The following NID2 variants were observed in gnomAD, a reference collection of about 807,000 sequenced individuals.
The protein encoded by NID2 is nidogen 2.
In NID2, 83 loss-of-function variants were observed where a neutral mutation model predicts 145.4. The ratio of observed to expected loss-of-function variants is 0.57; its 90% CI spans 0.48 to 0.69. The LOEUF (loss-of-function observed/expected upper bound fraction) is 0.69, where lower values mean the gene tolerates loss of function less well. Ranked by LOEUF, NID2 falls within the 30% of genes least tolerant of loss-of-function variation. NID2 has a pLI of 0.00. For missense variants in NID2, 1,807 were observed against 1,765.7 expected, an observed-to-expected ratio of 1.02 and a Z score of -0.42; for synonymous variants, 739 against 701.3, an observed-to-expected ratio of 1.05 and a Z score of -0.85.
chr14:52,005,432 T>C lies in NID2; in HGVS notation c.*54A>G. ...TTCTTTGCCTTTGCAGTCACTGTTCTTTAGGGTCCAGGTTCTGATTGTAAA... is the reference window on the plus strand; with the variant it reads ...TTCTTTGCCTTTGCAGTCACTGTTCCTTAGGGTCCAGGTTCTGATTGTAAA... On this transcript the variant is annotated 3_prime_UTR_variant, in exon 22 of 22. Coordinates refer to ENST00000216286, the MANE Select transcript of NID2 (RefSeq NM_007361.4). The C allele has an allele frequency of 2.0e-6, 3 of 1,513,318 alleles. No individual in the cohort carries two copies. Among genetic ancestry groups the C allele is most frequent in the Non-Finnish European group, 1.8e-6 (2 of 1,129,878 alleles). The allele number at this position is 1,513,318 out of a possible 1,614,324, so 93.7% of individuals were successfully genotyped here.
Position 52,038,786 on chromosome 14 carries a change from G to C in NID2, c.2218C>G (p.Leu740Val), listed in dbSNP as rs141286098. ...FALYNDEERVLRFAVTNQIGP... is the reference protein window; with the variant it reads ...FALYNDEERVVRFAVTNQIGP... Reference sequence around the variant, plus strand: ...ATTTGATTGGTCACAGCAAATCTAAGCACTCTTTCTTCGTCATTATACAAG... The same window carrying C: ...ATTTGATTGGTCACAGCAAATCTAACCACTCTTTCTTCGTCATTATACAAG... The change falls in exon 9 of 22, where the codon CTT (leucine) becomes GTT (valine). Residue 740 changes from leucine (L) to valine (V), a missense_variant. Physicochemically the swap from Leu to Val is conservative, Grantham distance 32. Transcript: ENST00000216286. 1.2e-6 allele frequency: 2 copies of C among 1,606,520 alleles called. No individual in the cohort carries two copies. The highest frequency in any genetic ancestry group is 4.5e-5 in the East Asian group (2 of 44,694).
intron 9 of NID2, among the ~76,000 whole-genome samples, chr14:52,030,501 G>GAAAGAAAGAAAGAGAA (rs1555363694): frequency 8.6e-5 from 3 of 34,884 alleles, no homozygotes; most frequent in Non-Finnish European, 7.7e-5. Flanking sequence ...AAGAAAGAAA[G>GAAAGAAAGAAAGAGAA]AGAAAGAAAG....
chr14:52,047,314 GAGA>G (rs1359608798), intron 5 of NID2, among the ~76,000 whole-genome samples: 1 of 152,098 alleles, frequency 6.6e-6, no homozygotes, highest in East Asian at 1.9e-4. Context: ...AAGACCTCAG[GAGA>G]AGGTGACTGA....
chr14:52,046,761 T>A (rs1892511296), intron 5 of NID2, among the ~76,000 whole-genome samples: 1 of 152,226 alleles, frequency 6.6e-6, no homozygotes, highest in African/African-American at 2.4e-5. Flanking sequence ...CTAGTTACTG[T>A]TAAGCTAACC....
At position 52,036,815 on chromosome 14, in the gene NID2, T is replaced by C. The variant is rs1452303035; in HGVS notation, c.2257+1932A>G. Among the ~76,000 whole-genome samples the C allele has an allele frequency of 3.9e-5, 6 of 151,974 alleles. No homozygotes were observed. The East Asian group carries it at 1.2e-3, about 29-fold the overall frequency. On this transcript the variant is annotated intron_variant, in intron 9 of 21. Transcript: ENST00000216286. ...ATCTGTATATCTTTTTGGAGAGAGGTCCTTGCAGAGCTTTTGCCCATCTTT... is the reference window on the plus strand; with the variant it reads ...ATCTGTATATCTTTTTGGAGAGAGGCCCTTGCAGAGCTTTTGCCCATCTTT...
intron 2 of NID2, among the ~76,000 whole-genome samples, chr14:52,062,930 C>A (rs1411049757): frequency 6.6e-6 from 1 of 152,184 alleles, no homozygotes; most frequent in African/African-American, 2.4e-5. Context: ...TATTTAATTT[C>A]TTTGTCTCCA....
chr14:52,012,670 T>G (rs1430233863), intron 16 of NID2, among the ~76,000 whole-genome samples: 2 of 150,106 alleles, frequency 1.3e-5, no homozygotes, highest in South Asian at 4.2e-4. Context: ...CTCTGGCTAG[T>G]GAGGTCTCTC....
chr14:52,005,545 T>A (rs770707702), intron 21 of NID2, 49 bp from the exon 22 acceptor site: 10 of 1,580,198 alleles, frequency 6.3e-6, no homozygotes, highest in Non-Finnish European at 7.7e-6. Flanking sequence ...GAGTATATTG[T>A]AACCAAGTTG....
intron 14 of NID2, among the ~76,000 whole-genome samples, chr14:52,017,766 T>C (rs1418864467): frequency 1.3e-5 from 2 of 152,170 alleles, no homozygotes; most frequent in Non-Finnish European, 2.9e-5. Context: ...AGAGCGACTA[T>C]GGATCAAACC....
At position 52,054,654 on chromosome 14, in the gene NID2, G is replaced by A. The variant is rs536185670; in HGVS notation, c.768-333C>T. ...GCCCAGCAGTTCCAGGTTACAGTGG[G>A]CTTTGGTTGCAACCACTGCACCCCA... On this transcript the variant is annotated intron_variant, in intron 3 of 21. Transcript: ENST00000216286. Among the ~76,000 whole-genome samples the A allele has an allele frequency of 3.3e-5, 5 of 152,286 alleles. No homozygotes were observed. In the East Asian group the frequency reaches 5.8e-4, roughly 18 times the overall value.
At chr14:52,015,011 C>T (rs963961937) in intron 15 of NID2, 43 bp downstream of exon 15, 2 of 1,523,872 alleles carry the variant, frequency 1.3e-6, no homozygotes, top group Admixed American at 1.9e-5. Context: ...CTAGCAAAGG[C>T]CTTAGATACA....
chr14:52,065,967 G>A (rs1203599270), intron 2 of NID2, among the ~76,000 whole-genome samples: 7 of 149,756 alleles, frequency 4.7e-5, no homozygotes, highest in East Asian at 2.0e-4. Flanking sequence ...ATAAACATAC[G>A]TGTGCATGTG....
chr14:52,053,774 G>C lies in NID2; in HGVS notation c.1234C>G (p.Pro412Ala). 1.2e-6 allele frequency: 2 copies of C among 1,614,206 alleles called. No homozygotes were observed. The highest frequency in any genetic ancestry group is 1.6e-4 in the Middle Eastern group (1 of 6,062). ...ATGCTTCCGTTTTCGGGGTACGGTG[G>C]TGGGGTTTCCCAGGAAGGAGCCAGT... is the stretch of plus-strand genomic sequence containing the variant. ...DSLAPSWETP[P>A]PYPENGSIQP... is the part of the protein sequence containing the mutation. The change falls in exon 5 of 22, where the codon CCA becomes GCA. Residue 412 changes from proline to alanine, a missense_variant. Physicochemically the swap from Pro to Ala is conservative, Grantham distance 27 (BLOSUM62 -1). Transcript: ENST00000216286.
At chr14:52,049,959 G>A (rs554639230) in intron 5 of NID2, among the ~76,000 whole-genome samples, 1 of 152,282 alleles carries the variant, frequency 6.6e-6, no homozygotes, top group South Asian at 2.1e-4. Flanking sequence ...GGCACCTGGA[G>A]GGTTGCACTG....
intron 5 of NID2, among the ~76,000 whole-genome samples, chr14:52,050,180 A>C (rs1892639859): frequency 6.6e-6 from 1 of 152,224 alleles, no homozygotes. Context: ...GACCCCTATC[A>C]GTAAACCTCA....
At chr14:52,020,268 G>T (rs540735934) in intron 12 of NID2, 90 bp from the exon 13 acceptor site, 14 of 1,565,364 alleles carry the variant, frequency 8.9e-6, no homozygotes, top group Non-Finnish European at 1.1e-5. Flanking sequence ...TGGATATGTG[G>T]ATCAACACCC....
At chr14:52,039,512 A>G (rs1241422613) in intron 8 of NID2, among the ~76,000 whole-genome samples, 5 of 152,202 alleles carry the variant, frequency 3.3e-5, no homozygotes, top group Admixed American at 1.3e-4. Context: ...GTCTCTCACC[A>G]TCTGAGTCTA....
intron 16 of NID2, among the ~76,000 whole-genome samples, chr14:52,012,340 A>G (rs931563691): frequency 4.6e-5 from 7 of 152,152 alleles, no homozygotes; most frequent in African/African-American, 1.7e-4. Flanking sequence ...ACAGTGACTC[A>G]CGCCTGTAAT....
At chr14:52,023,349 G>T (rs535525280) in intron 12 of NID2, among the ~76,000 whole-genome samples, 3 of 152,110 alleles carry the variant, frequency 2.0e-5, no homozygotes, top group Admixed American at 6.5e-5. Context: ...TGCTACTTGG[G>T]GGGGCTGAGA....
Sources: allele counts gnomAD v4.1 joint callset (sites outside exome capture counted in the v4.1 genomes callset), GRCh38; gene constraint gnomAD v4.1.1; transcripts MANE v1.5; gene names NCBI Gene and HGNC (gene_info 2026-07-23, HGNC 2026-07-21).